TBC1D22A: variants seen among roughly 807,000 people sequenced by gnomAD.
TBC1D22A encodes putative GTPase activator.
Under a neutral mutation model 60.2 loss-of-function variants are expected in TBC1D22A, and 38 were observed. That is an observed-to-expected ratio of 0.63 (90% CI 0.49 to 0.83). The LOEUF is 0.83. Among genes scored for constraint, TBC1D22A ranks in the 40% least tolerant of loss-of-function variants. The pLI is 0.00. For synonymous variants in TBC1D22A, 302 were observed against 281.7 expected (o/e 1.07, Z -0.72); for missense variants, 628 against 701.0 (o/e 0.90, Z 1.18).
chr22:47,172,996 G>A (rs571101712), intron 12 of TBC1D22A, among the ~76,000 whole-genome samples: 28 of 152,386 alleles, frequency 1.8e-4, no homozygotes, highest in Middle Eastern at 3.4e-3. Flanking sequence ...GTGCTTAGTG[G>A]CAGTTCCAGG....
chr22:47,142,537 C>CCCAT (rs1556315516), intron 12 of TBC1D22A, among the ~76,000 whole-genome samples: 3 of 114,624 alleles, frequency 2.6e-5, no homozygotes, highest in Non-Finnish European at 5.3e-5. Context: ...CATCCACCTA[C>CCCAT]CCATCCATCC....
chr22:47,123,372 A>G (rs1336966944), intron 12 of TBC1D22A, among the ~76,000 whole-genome samples: 1 of 152,182 alleles, frequency 6.6e-6, no homozygotes, highest in East Asian at 1.9e-4. Context: ...TCGGAATGGA[A>G]GGGCTGTTTC....
chr22:46,904,141 A>G (rs867305322), intron 7 of TBC1D22A, among the ~76,000 whole-genome samples: 58 of 116,054 alleles, frequency 5.0e-4, no homozygotes, highest in African/African-American at 2.0e-3. Context: ...CTATCTATCT[A>G]TCTACCTACC....
At chr22:46,803,986 G>A (rs1190457305) in intron 4 of TBC1D22A, among the ~76,000 whole-genome samples, 1 of 152,218 alleles carries the variant, frequency 6.6e-6, no homozygotes, top group Admixed American at 6.5e-5. Flanking sequence ...TTCTTTTGGT[G>A]CATACATGGT....
intron 5 of TBC1D22A, among the ~76,000 whole-genome samples, chr22:46,881,787 G>A (rs547642594): frequency 6.6e-6 from 1 of 152,290 alleles, no homozygotes; most frequent in African/African-American, 2.4e-5. Flanking sequence ...CTTTTTCCGG[G>A]AACAAGTGCT....
chr22:46,893,369 A>C lies in TBC1D22A; in HGVS notation c.838-1415A>C, dbSNP rs6009023. On this transcript the variant is annotated intron_variant, in intron 6 of 12. Transcript: ENST00000337137. ...GCAGGCGGGATGGATGGAGGGGTGC[A>C]CAGAGCCCCACCTGCCCAGCCTTGT... 8.6e-3 allele frequency among the ~76,000 whole-genome samples: 1,310 copies of C among 152,232 alleles called. 26 individuals are homozygous for C. Among genetic ancestry groups the C allele is most frequent in the African/African-American group, 0.03 (1,242 of 41,534 alleles).
At chr22:47,026,295 A>G (rs983896399) in intron 10 of TBC1D22A, among the ~76,000 whole-genome samples, 7 of 152,240 alleles carry the variant, frequency 4.6e-5, no homozygotes, top group African/African-American at 1.7e-4. Flanking sequence ...GAGGGTGTCA[A>G]TGGAAAGCTT....
In TBC1D22A at chr22:46,779,939, G is replaced by C. The variant is rs530941674; in HGVS notation, c.63-12581G>C. On this transcript the variant is annotated intron_variant, in intron 1 of 12. Transcript: ENST00000337137. ...TCAGGTACCACATGTTTCTGCTGTT[G>C]ACCCTCGGGGTGGGCACAAGTTTCA... Among the ~76,000 whole-genome samples, 9 of 152,358 alleles carry C rather than the reference G, an allele frequency of 5.9e-5. No individual in the cohort carries two copies. The East Asian group carries it at 1.5e-3, about 26-fold the overall frequency.
intron 4 of TBC1D22A, among the ~76,000 whole-genome samples, chr22:46,870,063 A>G (rs1328484196): frequency 1.3e-5 from 2 of 152,238 alleles, no homozygotes; most frequent in Non-Finnish European, 2.9e-5. Context: ...GGATTTGTAC[A>G]TTATGTCACA....
At chr22:46,975,265 T>C (rs945965406) in intron 9 of TBC1D22A, among the ~76,000 whole-genome samples, 14 of 151,456 alleles carry the variant, frequency 9.2e-5, no homozygotes, top group African/African-American at 3.4e-4. Context: ...TCACTCGGGG[T>C]GGAGGGTAGA....
At chr22:46,951,342 C>T (rs1011529226) in intron 8 of TBC1D22A, among the ~76,000 whole-genome samples, 2 of 152,182 alleles carry the variant, frequency 1.3e-5, no homozygotes, top group African/African-American at 4.8e-5. Context: ...GAAGAACGTT[C>T]TAAAATGGTA....
intron 4 of TBC1D22A, among the ~76,000 whole-genome samples, chr22:46,841,083 A>G (rs1292724055): frequency 7.0e-6 from 1 of 143,120 alleles, no homozygotes; most frequent in South Asian, 2.1e-4. Flanking sequence ...TGAGAGAGAG[A>G]GAGAGAGAAA....
intron 10 of TBC1D22A, among the ~76,000 whole-genome samples, chr22:47,025,495 T>G (rs1331484077): frequency 4.6e-5 from 7 of 152,238 alleles, no homozygotes. Context: ...CACTTTTAAG[T>G]AACCCATGTA....
At chr22:46,876,862 G>T (rs1229562053) in intron 4 of TBC1D22A, among the ~76,000 whole-genome samples, 1 of 152,238 alleles carries the variant, frequency 6.6e-6, no homozygotes, top group Non-Finnish European at 1.5e-5. Context: ...CTGCTAGAAA[G>T]ATGTACCAAA....
chr22:46,836,219 G>A (rs543139635), intron 4 of TBC1D22A, among the ~76,000 whole-genome samples: 1 of 152,206 alleles, frequency 6.6e-6, no homozygotes, highest in Admixed American at 6.5e-5. Flanking sequence ...GTTAACGCCA[G>A]TATAAAAGTT....
At chr22:46,946,173 A>G (rs2072525027) in intron 8 of TBC1D22A, among the ~76,000 whole-genome samples, 1 of 152,178 alleles carries the variant, frequency 6.6e-6, no homozygotes, top group African/African-American at 2.4e-5. Flanking sequence ...CGGACGGGCC[A>G]GCATAAGCTT....
chr22:46,771,598 A>ATT lies in TBC1D22A; in HGVS notation c.62+8763_62+8764dup, dbSNP rs537408036. 2.4e-4 allele frequency among the ~76,000 whole-genome samples: 34 copies of ATT among 139,406 alleles called. No homozygotes were observed. In the East Asian group the frequency reaches 6.2e-3, roughly 26 times the overall value. 91.5% of individuals were successfully genotyped at this position (139,406 alleles called of 152,430 possible). ...CCTCATGGCTTAGGTCCTACTTACTATTTTTTTTTTTTTTGAGATGGAGTC... is the reference window on the plus strand; with the variant it reads ...CCTCATGGCTTAGGTCCTACTTACTATTTTTTTTTTTTTTTTGAGATGGAGTC... On this transcript the variant is annotated intron_variant, in intron 1 of 12. Transcript: ENST00000337137.
chr22:46,817,807 G>C (rs2085667105), intron 4 of TBC1D22A, among the ~76,000 whole-genome samples: 1 of 152,126 alleles, frequency 6.6e-6, no homozygotes, highest in Admixed American at 6.5e-5. Flanking sequence ...AGTATTTCTG[G>C]TTCTAGATCC....
chr22:46,895,091 T>C (rs2068604393), intron 7 of TBC1D22A, among the ~76,000 whole-genome samples: 2 of 152,180 alleles, frequency 1.3e-5, no homozygotes, highest in South Asian at 4.1e-4. Context: ...TGTGGATGTA[T>C]GCACTCATGT....
Sources: allele counts gnomAD v4.1 joint callset (sites outside exome capture counted in the v4.1 genomes callset), GRCh38; gene constraint gnomAD v4.1.1; transcripts MANE v1.5; gene names NCBI Gene and HGNC (gene_info 2026-07-23, HGNC 2026-07-21).